FRYL: variants seen among roughly 807,000 people sequenced by gnomAD.
FRYL encodes the protein FRY like transcription coactivator, also known as protein furry homolog-like.
In FRYL, 150 loss-of-function variants were observed where a neutral mutation model predicts 351.2. The observed-to-expected ratio is 0.43, with a 90% CI of 0.37 to 0.49. The LOEUF (loss-of-function observed/expected upper bound fraction) is 0.49. Among genes scored for constraint, FRYL ranks in the 20% least tolerant of loss-of-function variants. The pLI is 0.00. For synonymous variants in FRYL, 1,153 were observed against 1,257.1 expected, an observed-to-expected ratio of 0.92 and a Z score of 1.75; for missense variants, 3,036 against 3,619.3, an observed-to-expected ratio of 0.84 and a Z score of 4.13.
rs757628396 is a variant in FRYL, at chr4:48,535,723, G to A, written c.6498C>T (p.Val2166=). The change falls in exon 48 of 64, where the codon GTC becomes GTT. Residue 2166 remains valine, a synonymous_variant. Coordinates refer to ENST00000358350, the MANE Select transcript of FRYL (RefSeq NM_015030.2). ...AGGAGTCATGCAGGTATCTGCACACGACATTGATCCAGTTAGAACAGTCTC... is the reference window on the plus strand; with the variant it reads ...AGGAGTCATGCAGGTATCTGCACACAACATTGATCCAGTTAGAACAGTCTC... ...YSRDCSNWIN[V]VCRYLHDSFS... The A allele has an allele frequency of 5.0e-6, 8 of 1,609,512 alleles. No homozygotes were observed. In the Admixed American group the frequency reaches 5.0e-5, roughly 10 times the overall value.
At position 48,546,246 on chromosome 4, in the gene FRYL, A is replaced by G. The variant is rs1731301492; in HGVS notation, c.5100T>C (p.Asp1700=). Residue 1700 remains aspartate (D), a synonymous_variant, in exon 42 of 64, where the codon GAT becomes GAC. Transcript: ENST00000358350. ...FTAGINDFIP[D]YQPSPMTDSG... ...AGTCAGTCATAGGGGAGGGCTGGTA[A>G]TCAGGTATAAAATCGTTAATGCCTG... 6.2e-7 allele frequency: 1 copy of G among 1,613,666 alleles called. No homozygotes were observed.
intron 1 of FRYL, among the ~76,000 whole-genome samples, chr4:48,769,537 A>T (rs1469111432): frequency 6.6e-6 from 1 of 152,256 alleles, no homozygotes; most frequent in East Asian, 1.9e-4. Flanking sequence ...AGTTTCTTAT[A>T]AAACTAAACA....
intron 1 of FRYL, 90 bp downstream of exon 1, chr4:48,779,988 G>A (rs1316412381): frequency 1.3e-5 from 2 of 152,022 alleles, no homozygotes; most frequent in African/African-American, 2.4e-5. Flanking sequence ...CTCCCGCCCA[G>A]GCTGGGCTGC....
intron 63 of FRYL, 54 bp downstream of exon 63, chr4:48,499,976 C>A (rs954099936): frequency 7.4e-5 from 92 of 1,246,110 alleles, no homozygotes; most frequent in Non-Finnish European, 1.0e-4. Flanking sequence ...CCTAGTATTA[C>A]TAAACTTCCT....
intron 3 of FRYL, among the ~76,000 whole-genome samples, chr4:48,656,464 CATATA>C (rs996217850): frequency 2.9e-3 from 334 of 113,534 alleles, no homozygotes; most frequent in African/African-American, 0.011. Context: ...TAATCATGTA[CATATA>C]ATGTATATAG....
At chr4:48,552,244 G>GGTGTGTGTGTGT (rs67155390) in intron 36 of FRYL, among the ~76,000 whole-genome samples, 73 of 145,348 alleles carry the variant, frequency 5.0e-4, no homozygotes, top group African/African-American at 1.8e-3. Flanking sequence ...AGTCCAAAGG[G>GGTGTGTGTGTGT]GTGTGTGTGT....
chr4:48,500,205 C>A lies in FRYL; in HGVS notation c.8608G>T (p.Glu2870Ter). The A allele has an allele frequency of 6.3e-7, 1 of 1,581,996 alleles. No individual in the cohort carries two copies. The highest frequency in any genetic ancestry group is 8.5e-7 in the Non-Finnish European group (1 of 1,172,084). The change falls in exon 63 of 64, where the codon GAG (glutamate) becomes TAG (stop). Residue 2870 changes from glutamate (E) to a stop codon, truncating the protein, a stop_gained. Transcript: ENST00000358350. LOFTEE classifies it high-confidence loss of function. ...KNEAEVINMS[E>*]ELAQLESILK... ...ATACTTTCCAGTTGGGCAAGTTCCT[C>A]TGACATGTTGATGACCTAAAACAAA...
chr4:48,563,911 A>T, intron 31 of FRYL, 37 bp downstream of exon 31: 1 of 1,583,772 alleles, frequency 6.3e-7, no homozygotes, highest in East Asian at 2.2e-5. Context: ...TTAAGAAAAC[A>T]GAACAAAATG....
intron 1 of FRYL, among the ~76,000 whole-genome samples, chr4:48,774,098 T>C (rs1382207079): frequency 1.3e-5 from 2 of 151,960 alleles, no homozygotes; most frequent in Non-Finnish European, 2.9e-5. Context: ...AATAGGCAAA[T>C]ATAGAAACAA....
intron 8 of FRYL, 28 bp downstream of exon 8, chr4:48,609,716 A>G: frequency 8.3e-7 from 1 of 1,206,196 alleles, no homozygotes; most frequent in Non-Finnish European, 1.2e-6. Context: ...AAAAAAAGGC[A>G]ACAATCCCAA....
chr4:48,598,245 A>G (rs1161172306), intron 13 of FRYL, among the ~76,000 whole-genome samples: 1 of 152,196 alleles, frequency 6.6e-6, no homozygotes, highest in Non-Finnish European at 1.5e-5. Flanking sequence ...AATCAATAGG[A>G]TAAACTTTTA....
intron 26 of FRYL, 80 bp from the exon 27 acceptor site, chr4:48,570,998 G>C: frequency 8.8e-7 from 1 of 1,142,798 alleles, no homozygotes; most frequent in Non-Finnish European, 1.3e-6. Context: ...CTCAGAGAGA[G>C]GTTCTGGGCT....
chr4:48,600,235 A>G (rs1434472154), intron 13 of FRYL, among the ~76,000 whole-genome samples: 6 of 152,214 alleles, frequency 3.9e-5, no homozygotes, highest in Admixed American at 3.9e-4. Flanking sequence ...ACATAAAATA[A>G]ATAACTGTTA....
chr4:48,570,614 C>A (rs1738067862), intron 27 of FRYL, among the ~76,000 whole-genome samples: 1 of 152,162 alleles, frequency 6.6e-6, no homozygotes. Context: ...TTGCCAGAAG[C>A]AATCCAATTC....
chr4:48,534,729 G>A (rs1190030702), intron 48 of FRYL, 44 bp from the exon 49 acceptor site: 9 of 1,227,568 alleles, frequency 7.3e-6, no homozygotes, highest in South Asian at 2.8e-5. Context: ...ACTTTAATCA[G>A]GTTGAATAAA....
rs761095159 is a variant in FRYL, at chr4:48,609,074, T to C, written c.492-7A>G. 9 of 1,541,830 alleles carry C rather than the reference T, an allele frequency of 5.8e-6. No homozygotes were observed. Among genetic ancestry groups the C allele is most frequent in the Non-Finnish European group, 1.8e-6 (2 of 1,117,708 alleles). On this transcript the variant is annotated splice_region_variant and splice_polypyrimidine_tract_variant and intron_variant, in intron 8 of 63. Coordinates refer to ENST00000358350, the MANE Select transcript of FRYL (RefSeq NM_015030.2). ...AGTGTTGGTTCCTGAATATCTAAAA[T>C]AACAAAAGAACAAACATAACATTTC...
chr4:48,553,669 A>C (rs928700384), intron 35 of FRYL, among the ~76,000 whole-genome samples: 2 of 152,064 alleles, frequency 1.3e-5, no homozygotes, highest in African/African-American at 4.8e-5. Context: ...AAAAAAAAAA[A>C]AAAACAAAAA....
chr4:48,564,108 T>C lies in FRYL; in HGVS notation c.3442-6A>G. 1 of 1,612,206 alleles carries C rather than the reference T, an allele frequency of 6.2e-7. No homozygotes were observed. The highest frequency in any genetic ancestry group is 8.5e-7 in the Non-Finnish European group (1 of 1,179,490). Reference sequence around the variant, plus strand: ...TCACAGCCCAGCTGGTGAACCTAGGTAAAGGTTGTGAAATTGCCCGAGAGA... The same window carrying C: ...TCACAGCCCAGCTGGTGAACCTAGGCAAAGGTTGTGAAATTGCCCGAGAGA... On this transcript the variant is annotated splice_region_variant and splice_polypyrimidine_tract_variant and intron_variant, in intron 30 of 63. Coordinates refer to ENST00000358350, the MANE Select transcript of FRYL (RefSeq NM_015030.2).
At position 48,497,874 on chromosome 4, in the gene FRYL, A is replaced by C. The variant is rs936909250; in HGVS notation, c.*1548T>G. 6 of 152,624 alleles carry C rather than the reference A, an allele frequency of 3.9e-5. No homozygotes were observed. Among genetic ancestry groups the C allele is most frequent in the Admixed American group, 3.9e-4 (6 of 15,278 alleles). 9.5% of individuals were successfully genotyped at this position (152,624 alleles called of 1,614,324 possible). ...AATGGTGTGCACAGTGCCTTCAATT[A>C]ATGCACTTGAGCATACGTAATTACA... On this transcript the variant is annotated 3_prime_UTR_variant, in exon 64 of 64. Coordinates refer to ENST00000358350, the MANE Select transcript of FRYL (RefSeq NM_015030.2).
Sources: allele counts gnomAD v4.1 joint callset (sites outside exome capture counted in the v4.1 genomes callset), GRCh38; gene constraint gnomAD v4.1.1; transcripts MANE v1.5; gene names NCBI Gene and HGNC (gene_info 2026-07-23, HGNC 2026-07-21).